TMEM132B: variants seen among roughly 807,000 people sequenced by gnomAD.
The protein encoded by TMEM132B is transmembrane protein 132B.
A neutral mutation model predicts 90.8 loss-of-function variants in TMEM132B; 18 were observed. The observed-to-expected ratio is 0.20, with a 90% CI of 0.14 to 0.29. TMEM132B has a LOEUF of 0.29. Ranked by LOEUF, TMEM132B falls within the 10% of genes least tolerant of loss-of-function variation. The probability of loss-of-function intolerance (pLI) is 1.00; values close to 1 mark genes in which losing one functional copy is unlikely to be tolerated. For synonymous variants in TMEM132B, 504 were observed against 523.3 expected (o/e 0.96, Z 0.50); for missense variants, 1,096 against 1,326.8 (o/e 0.83, Z 2.70).
intron 2 of TMEM132B, among the ~76,000 whole-genome samples, chr12:125,366,632 T>A (rs1180840600): frequency 6.6e-6 from 1 of 152,198 alleles, no homozygotes; most frequent in African/African-American, 2.4e-5. Context: ...AGCTACAATG[T>A]GCAGAGGTAT....
At chr12:125,576,607 G>T (rs1234610547) in intron 4 of TMEM132B, among the ~76,000 whole-genome samples, 1 of 151,902 alleles carries the variant, frequency 6.6e-6, no homozygotes, top group East Asian at 1.9e-4. Flanking sequence ...GTTCTCCATA[G>T]ATGGCCTTTA....
intron 3 of TMEM132B, among the ~76,000 whole-genome samples, chr12:125,442,184 TCAGGAG>T (rs1287207509): frequency 4.7e-4 from 72 of 152,358 alleles, no homozygotes; most frequent in African/African-American, 1.7e-3. Flanking sequence ...TAGAAGGTGT[TCAGGAG>T]AGAACATTGC....
chr12:125,431,531 A>G (rs1880509019), intron 3 of TMEM132B, among the ~76,000 whole-genome samples: 2 of 151,864 alleles, frequency 1.3e-5, no homozygotes, highest in African/African-American at 2.4e-5. Flanking sequence ...GCTTAGGACT[A>G]GATTGCTTTG....
At chr12:125,593,578 C>G (rs896222810) in intron 5 of TMEM132B, among the ~76,000 whole-genome samples, 2 of 152,134 alleles carry the variant, frequency 1.3e-5, no homozygotes, top group African/African-American at 4.8e-5. Flanking sequence ...TCTGGGATAT[C>G]AGGCCTGATC....
intron 3 of TMEM132B, among the ~76,000 whole-genome samples, chr12:125,425,946 T>G (rs945473236): frequency 2.6e-5 from 4 of 152,208 alleles, no homozygotes; most frequent in African/African-American, 9.6e-5. Flanking sequence ...CGGTTTCAAC[T>G]CATTTGGATA....
At chr12:125,250,679 G>A (rs1874297894) in intron 1 of TMEM132B, among the ~76,000 whole-genome samples, 1 of 151,992 alleles carries the variant, frequency 6.6e-6, no homozygotes, top group Non-Finnish European at 1.5e-5. Flanking sequence ...CTCTCTCTGG[G>A]TTCCCCCTTC....
rs893636827 is a variant in TMEM132B at position 125,656,112 on chromosome 12, T to A, written c.*1402T>A. 2.0e-5 allele frequency: 3 copies of A among 152,254 alleles called. No homozygotes were observed. The highest frequency in any genetic ancestry group is 4.4e-5 in the Non-Finnish European group (3 of 68,046). The allele number at this position is 152,254 out of a possible 1,614,324, so 9.4% of individuals were successfully genotyped here. A position where few individuals can be genotyped will look rare whatever the true frequency, so the allele number is the denominator to read the frequency against. On this transcript the variant is annotated 3_prime_UTR_variant, in exon 9 of 9. Coordinates refer to ENST00000682704, the MANE Select transcript of TMEM132B (RefSeq NM_001366854.1). ...TGTTTAAATAAAAATGTTATTTTAATAGCATCATGAATGGTCTTAAGGCAA... is the reference window on the plus strand; with the variant it reads ...TGTTTAAATAAAAATGTTATTTTAAAAGCATCATGAATGGTCTTAAGGCAA...
At chr12:125,288,815 A>G (rs568107959) in intron 1 of TMEM132B, among the ~76,000 whole-genome samples, 5 of 152,282 alleles carry the variant, frequency 3.3e-5, no homozygotes, top group Admixed American at 1.3e-4. Context: ...CCCTGGGGGC[A>G]AAATCATCCC....
chr12:125,484,536 A>G (rs939272615), intron 3 of TMEM132B, among the ~76,000 whole-genome samples: 5 of 152,282 alleles, frequency 3.3e-5, no homozygotes, highest in Middle Eastern at 3.4e-3. Flanking sequence ...GTATGAGCAT[A>G]TCATTGTATC....
chr12:125,243,015 A>ATATG (rs1338667675), intron 1 of TMEM132B, among the ~76,000 whole-genome samples: 1 of 139,546 alleles, frequency 7.2e-6, no homozygotes. Flanking sequence ...TTCTTCATAT[A>ATATG]TATATATATA....
intron 5 of TMEM132B, among the ~76,000 whole-genome samples, chr12:125,619,806 C>T (rs564532362): frequency 3.3e-5 from 5 of 152,172 alleles, no homozygotes; most frequent in Admixed American, 6.5e-5. Context: ...GTAAGCATTG[C>T]GTCTTCCTGC....
chr12:125,203,806 A>G (rs1449884967), intron 1 of TMEM132B, among the ~76,000 whole-genome samples: 1 of 152,254 alleles, frequency 6.6e-6, no homozygotes, highest in Non-Finnish European at 1.5e-5. Flanking sequence ...TACACTATCT[A>G]TAGGGCAAAA....
intron 4 of TMEM132B, among the ~76,000 whole-genome samples, chr12:125,544,147 A>G (rs1442614575): frequency 6.6e-6 from 1 of 152,212 alleles, no homozygotes; most frequent in Non-Finnish European, 1.5e-5. Context: ...GGAGTTGAAC[A>G]GTGAGAACAC....
chr12:125,347,207 C>T (rs1284995546), intron 1 of TMEM132B, among the ~76,000 whole-genome samples: 1 of 152,118 alleles, frequency 6.6e-6, no homozygotes, highest in African/African-American at 2.4e-5. Context: ...TCCTTGGGGG[C>T]AGAATTCATG....
At chr12:125,510,460 G>C (rs770476545) in intron 3 of TMEM132B, among the ~76,000 whole-genome samples, 2 of 152,214 alleles carry the variant, frequency 1.3e-5, no homozygotes, top group Non-Finnish European at 2.9e-5. Context: ...GAGTCAGATG[G>C]AGAGGTTTTG....
intron 1 of TMEM132B, among the ~76,000 whole-genome samples, chr12:125,314,109 G>A (rs543701266): frequency 6.6e-6 from 1 of 152,288 alleles, no homozygotes; most frequent in Non-Finnish European, 1.5e-5. Flanking sequence ...ATACCTGTGT[G>A]CAGAGAGCTT....
At chr12:125,517,089 G>C (rs1352323460) in intron 3 of TMEM132B, among the ~76,000 whole-genome samples, 1 of 152,120 alleles carries the variant, frequency 6.6e-6, no homozygotes, top group Non-Finnish European at 1.5e-5. Flanking sequence ...TGATGGGAAG[G>C]GGGGTCCCAT....
intron 5 of TMEM132B, among the ~76,000 whole-genome samples, chr12:125,589,868 C>T (rs1019069897): frequency 4.6e-5 from 7 of 152,040 alleles, no homozygotes; most frequent in African/African-American, 2.4e-5. Flanking sequence ...TACAATTCAA[C>T]ATGAGATTTG....
rs76385111 is a variant in TMEM132B at position 125,526,742 on chromosome 12, C to A, written c.1293+7117C>A. Among the ~76,000 whole-genome samples, 467 of 151,416 alleles carry A rather than the reference C, an allele frequency of 3.1e-3. 3 individuals are homozygous for A. Among genetic ancestry groups the A allele is most frequent in the African/African-American group, 0.011 (443 of 40,752 alleles). On this transcript the variant is annotated intron_variant, in intron 4 of 8. Transcript: ENST00000682704. ...ATGCCTGATAGGAAGTGGGAGAGAC[C>A]CAGTCATGGACACCAGGGTGGGGGC...
Sources: gnomAD v4.1 joint callset for allele counts (sites outside exome capture counted in the v4.1 genomes callset) on GRCh38, gnomAD v4.1.1 for gene constraint, MANE v1.5 for transcripts, NCBI Gene and HGNC (gene_info 2026-07-23, HGNC 2026-07-21) for gene names.